INPP4A: variants seen among roughly 807,000 people sequenced by gnomAD.
The protein encoded by INPP4A is inositol polyphosphate-4-phosphatase type I A.
A neutral mutation model predicts 119.8 loss-of-function variants in INPP4A; 33 were observed. The ratio of observed to expected loss-of-function variants is 0.28; its 90% CI spans 0.21 to 0.37. INPP4A has a LOEUF of 0.37. Ranked by LOEUF, INPP4A falls within the 10% of genes least tolerant of loss-of-function variation. The pLI is 1.00. For synonymous variants in INPP4A, 496 were observed against 500.7 expected, an observed-to-expected ratio of 0.99 and a Z score of 0.12; for missense variants, 956 against 1,289.9, an observed-to-expected ratio of 0.74 and a Z score of 3.97.
intron 24 of INPP4A, among the ~76,000 whole-genome samples, chr2:98,580,902 T>C (rs1355322225): frequency 1.3e-5 from 2 of 152,324 alleles, no homozygotes; most frequent in African/African-American, 2.4e-5. Context: ...AAATTTCTAG[T>C]GTGGTATTGT....
chr2:98,484,206 G>A (rs958955973), intron 1 of INPP4A, among the ~76,000 whole-genome samples: 2 of 152,032 alleles, frequency 1.3e-5, no homozygotes, highest in African/African-American at 4.8e-5. Context: ...CTGTCTGCAG[G>A]GATGAGTCTG....
At chr2:98,549,031 T>C (rs1693000101) in intron 13 of INPP4A, 1 of 1,535,660 alleles carries the variant, frequency 6.5e-7, no homozygotes, top group Non-Finnish European at 8.9e-7. Flanking sequence ...AGAGAAAGCT[T>C]GTGCCATCCC....
At position 98,587,615 on chromosome 2, in the gene INPP4A, G is replaced by A. The variant is rs373604595; in HGVS notation, c.*7G>A. 109 of 1,594,074 alleles carry A rather than the reference G, an allele frequency of 6.8e-5. No homozygotes were observed. Among genetic ancestry groups the A allele is most frequent in the Admixed American group, 3.5e-4 (19 of 54,936 alleles). ...CGGAAAAGTTGAAACGTGAACACAC[G>A]GTTTCCTCTAATTAGCTGTTACATA... On this transcript the variant is annotated 3_prime_UTR_variant, in exon 25 of 25. Transcript: ENST00000409851.
chr2:98,587,915 G>A lies in INPP4A; in HGVS notation c.*307G>A, dbSNP rs1700106010. The A allele has an allele frequency of 3.9e-6, 1 of 258,330 alleles. No homozygotes were observed. Among genetic ancestry groups the A allele is most frequent in the Non-Finnish European group, 7.3e-6 (1 of 136,200 alleles). The allele number at this position is 258,330 out of a possible 1,614,324, so 16.0% of individuals were successfully genotyped here. On this transcript the variant is annotated 3_prime_UTR_variant, in exon 25 of 25. Transcript: ENST00000409851. Reference sequence around the variant, plus strand: ...TAGTTACCTACATGAATCAAGCTAGGTTTGTCTGAAATGCTAGAAGACTTT... The same window carrying A: ...TAGTTACCTACATGAATCAAGCTAGATTTGTCTGAAATGCTAGAAGACTTT...
At chr2:98,465,808 C>A (rs1674633557) in intron 1 of INPP4A, among the ~76,000 whole-genome samples, 1 of 152,180 alleles carries the variant, frequency 6.6e-6, no homozygotes, top group South Asian at 2.1e-4. Context: ...GCCCCTGTTC[C>A]TGTGAGGGCC....
intron 1 of INPP4A, among the ~76,000 whole-genome samples, chr2:98,456,122 ACTGT>A (rs954165078): frequency 7.2e-5 from 11 of 152,128 alleles, no homozygotes; most frequent in Admixed American, 3.3e-4. Context: ...TCAGGTCTGG[ACTGT>A]CTTTCTCTTT....
chr2:98,564,774 C>G lies in INPP4A; in HGVS notation c.2152+11C>G. ...TGCTGAGCACCTACGGTGAGGCGCC[C>G]GGGCCAGGATCGGGAGCCCCACTTG... On this transcript the variant is annotated intron_variant, in intron 19 of 24. Coordinates refer to ENST00000409851, the MANE Select transcript of INPP4A (RefSeq NM_001134225.2). 3 of 1,573,010 alleles carry G rather than the reference C, an allele frequency of 1.9e-6. No homozygotes were observed. Among genetic ancestry groups the G allele is most frequent in the Non-Finnish European group, 2.6e-6 (3 of 1,157,936 alleles).
rs150467917 is a variant in INPP4A at position 98,521,861 on chromosome 2, A to G, written c.151+1130A>G. On this transcript the variant is annotated intron_variant, in intron 4 of 24. Transcript: ENST00000409851. ...TGAGGTGGAAGGAGCCCTTGAGCCT[A>G]GGAGTTTGAGACTGCAGTGAGTTAT... is the stretch of plus-strand genomic sequence containing the variant. 5 of 152,242 alleles carry G rather than the reference A, an allele frequency of 3.3e-5. No homozygotes were observed. In the East Asian group the frequency reaches 7.7e-4, roughly 24 times the overall value. 9.4% of individuals were successfully genotyped at this position (152,242 alleles called of 1,614,324 possible). A position where few individuals can be genotyped will look rare whatever the true frequency, so the allele number is the denominator to read the frequency against.
In INPP4A at chr2:98,554,628, C is replaced by T. The variant is rs563477873; in HGVS notation, c.1566+139C>T. ...AGCTCCAGGTTTCCTTCCTGGATGG[C>T]TCCTTGGCTCCTGATGCAGGGAGGG... is the stretch of plus-strand genomic sequence containing the variant. On this transcript the variant is annotated intron_variant, in intron 15 of 24. Transcript: ENST00000409851. The surrounding 1 kb of genome is among the most constrained non-coding windows in gnomAD (Gnocchi z 4.7). 4.4e-4 allele frequency: 310 copies of T among 709,604 alleles called. 5 individuals are homozygous for T. The South Asian group carries it at 5.4e-3, about 12-fold the overall frequency. The allele number at this position is 709,604 out of a possible 1,614,324, so 44.0% of individuals were successfully genotyped here. A position where few individuals can be genotyped will look rare whatever the true frequency, so the allele number is the denominator to read the frequency against.
chr2:98,552,991 A>G (rs1257992859), intron 14 of INPP4A, 22 bp downstream of exon 14: 1 of 1,583,960 alleles, frequency 6.3e-7, no homozygotes, highest in Non-Finnish European at 8.6e-7. Context: ...GCCCTGCTAC[A>G]TATGGGCTGG....
intron 1 of INPP4A, among the ~76,000 whole-genome samples, chr2:98,480,469 G>A (rs1262210256): frequency 1.3e-5 from 2 of 152,224 alleles, no homozygotes; most frequent in Non-Finnish European, 2.9e-5. Context: ...ACACAGAGCA[G>A]CTTTTTGCTG....
intron 1 of INPP4A, among the ~76,000 whole-genome samples, chr2:98,469,860 T>C (rs1171755755): frequency 2.0e-4 from 30 of 152,144 alleles, no homozygotes; most frequent in Admixed American, 1.8e-3. Context: ...TAGGCCCACC[T>C]GTTTCAAATC....
At chr2:98,564,434 C>T (rs1156288432) in intron 18 of INPP4A, among the ~76,000 whole-genome samples, 5 of 152,304 alleles carry the variant, frequency 3.3e-5, no homozygotes, top group East Asian at 1.9e-4. Context: ...ACTTGGTGAG[C>T]GACAGGAATA....
intron 1 of INPP4A, among the ~76,000 whole-genome samples, chr2:98,512,989 G>A (rs1685420585): frequency 3.3e-5 from 5 of 152,204 alleles, no homozygotes; most frequent in South Asian, 2.1e-4. Flanking sequence ...ATTTGACTTT[G>A]TTTAAAAGGT....
At chr2:98,531,338 A>G (rs1689171143) in intron 4 of INPP4A, among the ~76,000 whole-genome samples, 1 of 152,230 alleles carries the variant, frequency 6.6e-6, no homozygotes, top group Non-Finnish European at 1.5e-5. Flanking sequence ...AATTTCAAGA[A>G]GCAAATTTAC....
At chr2:98,557,646 G>A (rs1330781405) in intron 16 of INPP4A, among the ~76,000 whole-genome samples, 1 of 152,176 alleles carries the variant, frequency 6.6e-6, no homozygotes, top group Non-Finnish European at 1.5e-5. Flanking sequence ...TCTCTACCCT[G>A]TCCTAGGTCC....
chr2:98,550,955 T>C (rs539902663), intron 13 of INPP4A, among the ~76,000 whole-genome samples: 1 of 152,192 alleles, frequency 6.6e-6, no homozygotes, highest in South Asian at 2.1e-4. Flanking sequence ...GAATCCTTTT[T>C]TTTTTTCCAC....
chr2:98,473,543 C>T (rs1676594003), intron 1 of INPP4A, among the ~76,000 whole-genome samples: 1 of 151,988 alleles, frequency 6.6e-6, no homozygotes, highest in Non-Finnish European at 1.5e-5. Flanking sequence ...GGGGCTGACA[C>T]CGTGTGGTGG....
Position 98,520,084 on chromosome 2 carries a change from CA to C in INPP4A, c.37del (p.Arg13GlyfsTer34). 6.3e-7 allele frequency: 1 copy of C among 1,582,994 alleles called. No homozygotes were observed. Among genetic ancestry groups the C allele is most frequent in the Non-Finnish European group, 8.6e-7 (1 of 1,163,198 alleles). ...AREHSPRHGA[R>X]ARAMQRASTI... ...GAGAGCACAGCCCTCGCCATGGTGCCAGGGCCCGTGCAATGCAGCGGGCTTC... is the reference window on the plus strand; with the variant it reads ...GAGAGCACAGCCCTCGCCATGGTGCCGGGCCCGTGCAATGCAGCGGGCTTC... On this transcript the variant is annotated frameshift_variant, in exon 3 of 25. Transcript: ENST00000409851. LOFTEE classifies it high-confidence loss of function.
Sources: gnomAD v4.1 joint callset for allele counts (sites outside exome capture counted in the v4.1 genomes callset) on GRCh38, gnomAD v4.1.1 for gene constraint, Gnocchi (gnomAD v3.1) non-coding constraint, MANE v1.5 for transcripts, NCBI Gene and HGNC (gene_info 2026-07-23, HGNC 2026-07-21) for gene names.